The following CDH7 variants were observed in gnomAD, a reference collection of about 807,000 sequenced individuals.
CDH7 encodes cadherin 7, also known as cadherin-7.
CDH7 carries 25 observed loss-of-function variants against 71.8 expected under a neutral mutation model. That is an observed-to-expected ratio of 0.35 (90% CI 0.25 to 0.49). The LOEUF is 0.49. Ranked by LOEUF, CDH7 falls within the 20% of genes least tolerant of loss-of-function variation. CDH7 has a pLI of 0.99. For missense variants in CDH7, 862 were observed against 974.6 expected (o/e 0.88, Z 1.54); for synonymous variants, 381 against 363.8 (o/e 1.05, Z -0.54).
At position 65,880,757 on chromosome 18, in the gene CDH7, G is replaced by A. The variant is rs552575730; in HGVS notation, c.2221G>A (p.Val741Ile). 8.1e-6 allele frequency: 13 copies of A among 1,614,144 alleles called. No individual in the cohort carries two copies. The South Asian group carries it at 1.1e-4, about 14-fold the overall frequency. ...QTYAFEGNGS[V>I]AESLSSLDSI... ...ATATGCTTTTGAAGGAAATGGCTCA[G>A]TTGCTGAATCACTCAGCTCTTTAGA... Residue 741 changes from valine to isoleucine, a missense_variant, in exon 12 of 12, where the codon GTT becomes ATT. By Grantham distance (29) the Val-to-Ile change is conservative. Transcript: ENST00000397968.
chr18:65,874,567 T>A (rs961775179), intron 11 of CDH7, among the ~76,000 whole-genome samples: 4 of 152,064 alleles, frequency 2.6e-5, no homozygotes, highest in African/African-American at 7.2e-5. Flanking sequence ...ACCTGTTGAG[T>A]ACAGTGTTCA....
intron 2 of CDH7, among the ~76,000 whole-genome samples, chr18:65,777,650 A>G (rs1049351980): frequency 1.3e-5 from 2 of 152,106 alleles, no homozygotes; most frequent in African/African-American, 4.8e-5. Context: ...TCTAGTAGGA[A>G]TGCATGCTCT....
At chr18:65,801,538 A>T (rs1397749505) in intron 2 of CDH7, among the ~76,000 whole-genome samples, 3 of 152,176 alleles carry the variant, frequency 2.0e-5, no homozygotes, top group Admixed American at 6.5e-5. Context: ...CTTTTGATGG[A>T]TTTAGAGTTA....
Position 65,885,372 on chromosome 18 carries a change from G to GTGTTTTTTTTTTTTTT in CDH7, c.*4479_*4480insGTTTTTTTTTTTTTTT, listed in dbSNP as rs1914342122. 1.2e-4 allele frequency: 8 copies of GTGTTTTTTTTTTTTTT among 69,448 alleles called. No homozygotes were observed. The highest frequency in any genetic ancestry group is 1.6e-4 in the African/African-American group (3 of 19,206). 4.3% of individuals were successfully genotyped at this position (69,448 alleles called of 1,614,324 possible). On this transcript the variant is annotated 3_prime_UTR_variant, in exon 12 of 12. Transcript: ENST00000397968. ...GTAACTGAAAAGGATGTGTGCCTGT[G>GTGTTTTTTTTTTTTTT]TTTTTTTTTTTTTTTTTTTTTTTGA...
intron 2 of CDH7, among the ~76,000 whole-genome samples, chr18:65,767,819 C>G (rs1916421915): frequency 6.6e-6 from 1 of 152,192 alleles, no homozygotes; most frequent in African/African-American, 2.4e-5. Context: ...TATAATACTG[C>G]AATAAGCAAA....
At chr18:65,766,715 G>A (rs944355954) in intron 2 of CDH7, among the ~76,000 whole-genome samples, 5 of 151,600 alleles carry the variant, frequency 3.3e-5, no homozygotes, top group Admixed American at 2.0e-4. Context: ...AGGAAGGGGG[G>A]AGGATCCTTT....
chr18:65,752,934 T>C (rs1598979470), intron 1 of CDH7, among the ~76,000 whole-genome samples: 1 of 152,372 alleles, frequency 6.6e-6, no homozygotes, highest in East Asian at 1.9e-4. Flanking sequence ...TAGAATTGTG[T>C]TAATCACTTT....
chr18:65,857,261 T>C (rs996137), intron 7 of CDH7, among the ~76,000 whole-genome samples: 2 of 149,616 alleles, frequency 1.3e-5, no homozygotes, highest in African/African-American at 4.9e-5. Context: ...GATGGAAGGG[T>C]CACTTGAGCC....
At chr18:65,853,497 A>G (rs1353277928) in intron 7 of CDH7, among the ~76,000 whole-genome samples, 1 of 151,734 alleles carries the variant, frequency 6.6e-6, no homozygotes, top group East Asian at 1.9e-4. Flanking sequence ...TTTTTTCTCA[A>G]GTGACTTTAT....
chr18:65,873,409 T>C (rs994913017), intron 11 of CDH7, among the ~76,000 whole-genome samples: 1 of 152,194 alleles, frequency 6.6e-6, no homozygotes, highest in African/African-American at 2.4e-5. Context: ...CATATGTAAT[T>C]TGAAATTTTC....
At chr18:65,877,762 C>A (rs1029396191) in intron 11 of CDH7, among the ~76,000 whole-genome samples, 1 of 152,122 alleles carries the variant, frequency 6.6e-6, no homozygotes, top group African/African-American at 2.4e-5. Flanking sequence ...CTTTCTACTA[C>A]AATTGCTTTC....
rs552112111 is a variant in CDH7, at chr18:65,767,080, T to C, written c.210+4028T>C. On this transcript the variant is annotated intron_variant, in intron 2 of 11. Coordinates refer to ENST00000397968, the MANE Select transcript of CDH7 (RefSeq NM_004361.5). ...ACAGTTGCTTCCCTAGCTGTTAACA[T>C]CACTCTTTCTTTCTTTTTTTTTTTT... 3.3e-5 allele frequency among the ~76,000 whole-genome samples: 5 copies of C among 149,270 alleles called. No homozygotes were observed. The South Asian group carries it at 1.0e-3, about 31-fold the overall frequency.
rs1004317235 is a variant in CDH7, at chr18:65,845,020, C to A, written c.1235+955C>A. Among the ~76,000 whole-genome samples, 143 of 151,974 alleles carry A rather than the reference C, an allele frequency of 9.4e-4. 2 individuals carry two copies. The highest frequency in any genetic ancestry group is 3.3e-3 in the African/African-American group (138 of 41,510). ...TTTAACAATGGTAAGTGCTTTTGAA[C>A]TAACTTTTGAGATAAGTCTGGACGT... On this transcript the variant is annotated intron_variant, in intron 7 of 11. Transcript: ENST00000397968.
intron 1 of CDH7, among the ~76,000 whole-genome samples, chr18:65,752,730 T>C (rs756245239): frequency 3.3e-5 from 5 of 152,288 alleles, no homozygotes; most frequent in Non-Finnish European, 7.4e-5. Flanking sequence ...AGCAATTAGG[T>C]AACATCCAAC....
intron 3 of CDH7, among the ~76,000 whole-genome samples, chr18:65,812,374 A>T (rs932834596): frequency 6.6e-6 from 1 of 152,216 alleles, no homozygotes; most frequent in African/African-American, 2.4e-5. Context: ...CTTGACACCA[A>T]TTCAGACCAC....
At chr18:65,835,755 T>C (rs1912511114) in intron 6 of CDH7, among the ~76,000 whole-genome samples, 1 of 152,192 alleles carries the variant, frequency 6.6e-6, no homozygotes, top group East Asian at 1.9e-4. Flanking sequence ...TACTTTATGC[T>C]TATAAAATCA....
At chr18:65,839,347 G>A (rs1180079367) in intron 6 of CDH7, among the ~76,000 whole-genome samples, 1 of 152,108 alleles carries the variant, frequency 6.6e-6, no homozygotes, top group Non-Finnish European at 1.5e-5. Flanking sequence ...TTCATACACA[G>A]CCATATCCTG....
At chr18:65,765,435 T>C (rs552797468) in intron 2 of CDH7, among the ~76,000 whole-genome samples, 1 of 151,350 alleles carries the variant, frequency 6.6e-6, no homozygotes, top group Non-Finnish European at 1.5e-5. Flanking sequence ...ATTACTTGGG[T>C]AAATAGACAC....
rs183676875 is a variant in CDH7 at position 65,782,153 on chromosome 18, T to C, written c.210+19101T>C. Among the ~76,000 whole-genome samples the C allele has an allele frequency of 1.9e-4, 21 of 113,232 alleles. 1 individual carries two copies. Among genetic ancestry groups the C allele is most frequent in the African/African-American group, 1.8e-4 (4 of 22,754 alleles). The allele number at this position is 113,232 out of a possible 152,430, so 74.3% of individuals were successfully genotyped here. A position where few individuals can be genotyped will look rare whatever the true frequency, so the allele number is the denominator to read the frequency against. ...TTCTTTCTTTCTTTCTTTCTTTCTT[T>C]CTTTCTTTCTTCCTTTCTTTCTTTC... is the stretch of plus-strand genomic sequence containing the variant. On this transcript the variant is annotated intron_variant, in intron 2 of 11. Transcript: ENST00000397968.
Sources: gnomAD v4.1 joint callset for allele counts (sites outside exome capture counted in the v4.1 genomes callset) on GRCh38, gnomAD v4.1.1 for gene constraint, MANE v1.5 for transcripts, NCBI Gene and HGNC (gene_info 2026-07-23, HGNC 2026-07-21) for gene names.